The following ZFPM2 variants were observed in gnomAD, a reference collection of about 807,000 sequenced individuals.
ZFPM2 encodes zinc finger protein ZFPM2.
ZFPM2 carries 20 observed loss-of-function variants against 98.6 expected under a neutral mutation model. That is an observed-to-expected ratio of 0.20 (90% CI 0.14 to 0.29). The LOEUF is 0.29. ZFPM2 is among the 10% of genes least tolerant of loss of function. The pLI is 1.00. For missense variants in ZFPM2, 1,310 were observed against 1,388.6 expected (o/e 0.94, Z 0.90); for synonymous variants, 518 against 502.7 (o/e 1.03, Z -0.41).
intron 7 of ZFPM2, 43 bp downstream of exon 7, chr8:105,798,991 G>C: frequency 6.6e-7 from 1 of 1,524,474 alleles, no homozygotes; most frequent in Non-Finnish European, 9.0e-7. Context: ...AGAAGACTCT[G>C]TTATTTTTAT....
chr8:105,495,760 T>G (rs1312633846), intron 3 of ZFPM2, among the ~76,000 whole-genome samples: 2 of 152,228 alleles, frequency 1.3e-5, no homozygotes, highest in African/African-American at 4.8e-5. Flanking sequence ...ATTGACTGTT[T>G]GCCATGCTTG....
chr8:105,752,942 G>A (rs1294458996), intron 5 of ZFPM2, among the ~76,000 whole-genome samples: 3 of 152,006 alleles, frequency 2.0e-5, no homozygotes, highest in Non-Finnish European at 4.4e-5. Context: ...TTGGGGAGAG[G>A]GCCAGGAGCA....
At chr8:105,710,663 TTGTGTGTGTG>T (rs34170034) in intron 5 of ZFPM2, among the ~76,000 whole-genome samples, 3,713 of 143,890 alleles carry the variant, frequency 0.026, 75 homozygotes, top group African/African-American at 0.052. Context: ...ATGCACAAAA[TTGTGTGTGTG>T]TGTGTGTGTG....
intron 3 of ZFPM2, among the ~76,000 whole-genome samples, chr8:105,475,630 A>G (rs1318768595): frequency 1.3e-5 from 2 of 152,186 alleles, no homozygotes; most frequent in Non-Finnish European, 2.9e-5. Flanking sequence ...CATGGTTACA[A>G]ATTTCAATGT....
At chr8:105,692,133 T>C (rs1810900162) in intron 5 of ZFPM2, among the ~76,000 whole-genome samples, 1 of 152,218 alleles carries the variant, frequency 6.6e-6, no homozygotes, top group African/African-American at 2.4e-5. Flanking sequence ...TTATTTAGTT[T>C]TTTACATTAT....
At chr8:105,662,778 A>T (rs1817416643) in intron 5 of ZFPM2, 3 of 151,614 alleles carry the variant, frequency 2.0e-5, no homozygotes, top group Admixed American at 1.3e-4. Flanking sequence ...CTTACAAAGG[A>T]ATCCTTGTAT....
At chr8:105,383,459 T>C (rs889582350) in intron 1 of ZFPM2, among the ~76,000 whole-genome samples, 1 of 152,134 alleles carries the variant, frequency 6.6e-6, no homozygotes, top group Non-Finnish European at 1.5e-5. Context: ...GGTGTATTAT[T>C]TTGTTCTTCT....
At chr8:105,788,111 G>A (rs1396323895) in intron 5 of ZFPM2, among the ~76,000 whole-genome samples, 3 of 151,978 alleles carry the variant, frequency 2.0e-5, no homozygotes, top group Non-Finnish European at 4.4e-5. Flanking sequence ...TACATTATAC[G>A]GAATATTATA....
At chr8:105,598,236 C>G (rs75755985) in intron 4 of ZFPM2, among the ~76,000 whole-genome samples, 1 of 151,980 alleles carries the variant, frequency 6.6e-6, no homozygotes. Flanking sequence ...TGGGAAGGAC[C>G]GCCTTTGGGA....
At chr8:105,546,026 A>G (rs1394254755) in intron 3 of ZFPM2, among the ~76,000 whole-genome samples, 1 of 152,106 alleles carries the variant, frequency 6.6e-6, no homozygotes, top group Non-Finnish European at 1.5e-5. Context: ...AGGAAGTACC[A>G]GTGTGGGGTT....
intron 5 of ZFPM2, among the ~76,000 whole-genome samples, chr8:105,727,695 A>G (rs538574061): frequency 2.0e-5 from 3 of 151,848 alleles, no homozygotes; most frequent in South Asian, 4.1e-4. Flanking sequence ...TTTTAGGTGA[A>G]AAGAGGATAC....
At chr8:105,657,786 C>A (rs575506367) in intron 5 of ZFPM2, among the ~76,000 whole-genome samples, 118 of 152,282 alleles carry the variant, frequency 7.7e-4, no homozygotes, top group African/African-American at 2.7e-3. Flanking sequence ...TAATTTGGAT[C>A]TAGGTTTGTC....
chr8:105,792,401 T>C (rs1813643407), intron 6 of ZFPM2, among the ~76,000 whole-genome samples: 1 of 152,234 alleles, frequency 6.6e-6, no homozygotes, highest in Non-Finnish European at 1.5e-5. Context: ...TGAGCGGTTT[T>C]CAGTGAGTTT....
At chr8:105,710,010 A>T (rs1178492440) in intron 5 of ZFPM2, among the ~76,000 whole-genome samples, 1 of 151,646 alleles carries the variant, frequency 6.6e-6, no homozygotes, top group Non-Finnish European at 1.5e-5. Context: ...TAAGTCACAT[A>T]CTTTTTAAAG....
intron 5 of ZFPM2, among the ~76,000 whole-genome samples, chr8:105,723,184 T>G (rs1586220653): frequency 6.6e-6 from 1 of 152,010 alleles, no homozygotes. Flanking sequence ...CACAGTCTCT[T>G]TCATGATATT....
At chr8:105,346,856 A>G (rs1249079098) in intron 1 of ZFPM2, among the ~76,000 whole-genome samples, 3 of 152,142 alleles carry the variant, frequency 2.0e-5, no homozygotes, top group Non-Finnish European at 4.4e-5. Flanking sequence ...ATAAGATGAG[A>G]TCACGTAGGT....
intron 1 of ZFPM2, among the ~76,000 whole-genome samples, chr8:105,364,085 A>G (rs894904922): frequency 1.8e-4 from 28 of 152,106 alleles, no homozygotes; most frequent in African/African-American, 6.5e-4. Flanking sequence ...CTTAGCTTCA[A>G]TACAGAATTC....
At chr8:105,405,350 T>C (rs1811425370) in intron 1 of ZFPM2, among the ~76,000 whole-genome samples, 1 of 152,040 alleles carries the variant, frequency 6.6e-6, no homozygotes, top group African/African-American at 2.4e-5. Context: ...TACATATGTA[T>C]ACATGTGCCA....
At chr8:105,402,324 A>G (rs1811356371) in intron 1 of ZFPM2, among the ~76,000 whole-genome samples, 2 of 151,896 alleles carry the variant, frequency 1.3e-5, no homozygotes, top group Admixed American at 6.6e-5. Flanking sequence ...TAACTATTGC[A>G]TTTTATTTTA....
Sources: allele counts gnomAD v4.1 joint callset (sites outside exome capture counted in the v4.1 genomes callset), GRCh38; gene constraint gnomAD v4.1.1; transcripts MANE v1.5; gene names NCBI Gene and HGNC (gene_info 2026-07-23, HGNC 2026-07-21).